Variants in MTMR1 observed in about 807,000 individuals in gnomAD.
MTMR1 encodes the protein myotubularin related protein 1.
MTMR1 carries 17 observed loss-of-function variants against 51.6 expected under a neutral mutation model. The observed-to-expected ratio is 0.33, with a 90% CI of 0.23 to 0.49. MTMR1 has a LOEUF of 0.49. Ranked by LOEUF, MTMR1 falls within the 20% of genes least tolerant of loss-of-function variation. MTMR1 has a pLI of 0.99. For synonymous variants in MTMR1, 201 were observed against 205.6 expected, an observed-to-expected ratio of 0.98 and a Z score of 0.19; for missense variants, 386 against 526.9, an observed-to-expected ratio of 0.73 and a Z score of 2.62.
At chrX:150,719,870 T>A (rs1383460563) in intron 4 of MTMR1, among the ~76,000 whole-genome samples, 1 of 111,654 alleles carries the variant, frequency 9.0e-6, no homozygotes, top group Admixed American at 9.5e-5. Flanking sequence ...AAGAGAAGGC[T>A]TCAGTGGATT....
At chrX:150,748,848 TGAGAGA>T (rs1210180621) in intron 13 of MTMR1, among the ~76,000 whole-genome samples, 1 of 108,108 alleles carries the variant, frequency 9.3e-6, no homozygotes, top group African/African-American at 3.4e-5. Context: ...AATGCATGAA[TGAGAGA>T]GAGAGAAATA....
chrX:150,742,415 G>A (rs868959610), intron 12 of MTMR1, among the ~76,000 whole-genome samples: 5 of 111,797 alleles, frequency 4.5e-5, no homozygotes, highest in African/African-American at 9.8e-5. Flanking sequence ...TGACTGAAAC[G>A]TCGTTATGTG....
Position 150,701,387 on chromosome X carries a change from G to A in MTMR1, c.252+2087G>A, listed in dbSNP as rs781955492. The stretch of plus-strand genomic sequence containing the variant: ...CAGATAAAGTTCCTTGAGGATTTAA[G>A]TTGCAGTCATCAGCTGATATTTGAA... On this transcript the variant is annotated intron_variant, in intron 2 of 15. Transcript: ENST00000445323. 5.3e-5 allele frequency among the ~76,000 whole-genome samples: 6 copies of A among 112,247 alleles called. No homozygotes were observed. The South Asian group carries it at 2.2e-3, about 41-fold the overall frequency.
intron 5 of MTMR1, 127 bp downstream of exon 5, chrX:150,727,436 C>A: frequency 1.8e-6 from 1 of 553,601 alleles, no homozygotes; most frequent in Non-Finnish European, 2.8e-6. Context: ...TTGAGATGCA[C>A]ACATTTGCAA....
At chrX:150,755,192 C>G (rs782154074) in intron 14 of MTMR1, among the ~76,000 whole-genome samples, 1 of 111,055 alleles carries the variant, frequency 9.0e-6, no homozygotes, top group African/African-American at 3.3e-5. Flanking sequence ...GGAGCTGGGA[C>G]TATACTTGGC....
In MTMR1 at chrX:150,693,442, C is replaced by G; in HGVS notation, c.-89C>G. On this transcript the variant is annotated 5_prime_UTR_variant, in exon 1 of 16. Transcript: ENST00000445323. ...CCTGAGGCGGGCGGGCGGTATAGAGCGGGCGGCAGGAGGCAAGCAGCGAAA... is the reference window on the plus strand; with the variant it reads ...CCTGAGGCGGGCGGGCGGTATAGAGGGGGCGGCAGGAGGCAAGCAGCGAAA... The G allele has an allele frequency of 6.6e-6, 5 of 754,900 alleles. No homozygotes were observed. Among genetic ancestry groups the G allele is most frequent in the Non-Finnish European group, 7.8e-6 (5 of 639,749 alleles). 62.2% of individuals were successfully genotyped at this position (754,900 alleles called of 1,213,427 possible).
chrX:150,705,976 G>A (rs945823493), intron 2 of MTMR1, among the ~76,000 whole-genome samples: 3 of 112,115 alleles, frequency 2.7e-5, no homozygotes, highest in African/African-American at 9.7e-5. Context: ...GTCTTAGTCC[G>A]TTTGCTGCTG....
chrX:150,724,899 C>T (rs1337527353), intron 4 of MTMR1, among the ~76,000 whole-genome samples: 1 of 111,569 alleles, frequency 9.0e-6, no homozygotes, highest in Non-Finnish European at 1.9e-5. Context: ...GGTGTGCACC[C>T]TTATTTCTGG....
chrX:150,754,543 A>T (rs782192869), intron 14 of MTMR1, among the ~76,000 whole-genome samples: 15 of 112,232 alleles, frequency 1.3e-4, no homozygotes, highest in Non-Finnish European at 2.4e-4. Flanking sequence ...CAGATGAGCA[A>T]TGCAAGTAGG....
At chrX:150,709,351 C>T (rs782297530) in intron 2 of MTMR1, among the ~76,000 whole-genome samples, 1 of 112,065 alleles carries the variant, frequency 8.9e-6, no homozygotes, top group Non-Finnish European at 1.9e-5. Flanking sequence ...CACCCCCATA[C>T]CAGGAACACT....
intron 15 of MTMR1, among the ~76,000 whole-genome samples, chrX:150,760,931 CAAAAAAAA>C (rs56341623): frequency 1.3e-5 from 1 of 74,792 alleles, no homozygotes; most frequent in African/African-American, 4.8e-5. Flanking sequence ...CATTCCGCCT[CAAAAAAAA>C]AAAAAAAAAG....
intron 3 of MTMR1, among the ~76,000 whole-genome samples, chrX:150,713,365 C>T (rs932842648): frequency 1.8e-5 from 2 of 111,992 alleles, no homozygotes; most frequent in Non-Finnish European, 3.8e-5. Flanking sequence ...TGAAAAATTA[C>T]ACTGCCTTGA....
intron 12 of MTMR1, among the ~76,000 whole-genome samples, chrX:150,743,355 C>T (rs1049054046): frequency 3.6e-5 from 4 of 110,523 alleles, no homozygotes; most frequent in Admixed American, 9.6e-5. Context: ...AGGCTATGCT[C>T]GTGTCACTGC....
intron 13 of MTMR1, among the ~76,000 whole-genome samples, chrX:150,749,113 C>T (rs2042657439): frequency 8.9e-6 from 1 of 112,046 alleles, no homozygotes; most frequent in Non-Finnish European, 1.9e-5. Context: ...GAGAGCAATC[C>T]TTAAGATGGA....
At chrX:150,711,983 A>G (rs2041330176) in intron 2 of MTMR1, among the ~76,000 whole-genome samples, 1 of 110,468 alleles carries the variant, frequency 9.1e-6, no homozygotes. Flanking sequence ...TTTTTGGGGA[A>G]AATGCATTCA....
intron 2 of MTMR1, among the ~76,000 whole-genome samples, chrX:150,699,936 A>C (rs1412186315): frequency 1.8e-5 from 2 of 112,624 alleles, no homozygotes; most frequent in Non-Finnish European, 3.8e-5. Flanking sequence ...ATCAATTAAC[A>C]AATCAAAAAA....
chrX:150,709,809 A>AC (rs1396203843), intron 2 of MTMR1, among the ~76,000 whole-genome samples: 1 of 111,452 alleles, frequency 9.0e-6, no homozygotes, highest in Non-Finnish European at 1.9e-5. Flanking sequence ...TGAAAGATCC[A>AC]CCCCCATGAC....
intron 2 of MTMR1, among the ~76,000 whole-genome samples, chrX:150,711,263 A>G (rs2041296878): frequency 8.9e-6 from 1 of 112,343 alleles, no homozygotes; most frequent in Admixed American, 9.4e-5. Flanking sequence ...TCTTTTAGCT[A>G]TATCATCACT....
intron 14 of MTMR1, among the ~76,000 whole-genome samples, chrX:150,755,025 CAAA>C (rs34113407): frequency 1.5e-4 from 8 of 55,124 alleles, no homozygotes; most frequent in Non-Finnish European, 1.3e-4. Context: ...GACTCCATCT[CAAA>C]AAAAAAAAAA....
Sources: allele counts gnomAD v4.1 joint callset (sites outside exome capture counted in the v4.1 genomes callset), GRCh38; gene constraint gnomAD v4.1.1; transcripts MANE v1.5; gene names NCBI Gene and HGNC (gene_info 2026-07-23, HGNC 2026-07-21).